PDILT: variants seen among roughly 807,000 people sequenced by gnomAD.
PDILT encodes the protein protein disulfide isomerase like, testis expressed.
PDILT carries 43 observed loss-of-function variants against 53.7 expected under a neutral mutation model. The ratio of observed to expected loss-of-function variants is 0.80; its 90% confidence interval spans 0.63 to 1.03. The LOEUF (loss-of-function observed/expected upper bound fraction) is 1.03. Among genes scored for constraint, PDILT ranks in the 50% least tolerant of loss-of-function variants. The probability of loss-of-function intolerance (pLI) is 0.00; values close to 1 mark genes in which losing one functional copy is unlikely to be tolerated. For missense variants in PDILT, 727 were observed against 712.3 expected (o/e 1.02, Z -0.24); for synonymous variants, 282 against 274.2 (o/e 1.03, Z -0.28).
Position 20,376,055 on chromosome 16 carries a change from T to G in PDILT, c.543+13A>C. The G allele has an allele frequency of 6.2e-7, 1 of 1,613,898 alleles. No homozygotes were observed. Among genetic ancestry groups the G allele is most frequent in the South Asian group, 1.1e-5 (1 of 91,028 alleles). On this transcript the variant is annotated intron_variant, in intron 4 of 11. Coordinates refer to ENST00000302451, the MANE Select transcript of PDILT (RefSeq NM_174924.2). ...TCAGTTGAAAGCCTCCTCCCACCTCTTGGTCCCAGTACCTGGAAGAAGCCA... is the reference window on the plus strand; with the variant it reads ...TCAGTTGAAAGCCTCCTCCCACCTCGTGGTCCCAGTACCTGGAAGAAGCCA...
intron 1 of PDILT, among the ~76,000 whole-genome samples, chr16:20,403,341 G>A: frequency 6.6e-6 from 1 of 152,152 alleles, no homozygotes. Flanking sequence ...CCAGGCTGGA[G>A]TGCAATCACA....
chr16:20,361,514 G>T (rs1428107575), intron 10 of PDILT, among the ~76,000 whole-genome samples: 2 of 152,096 alleles, frequency 1.3e-5, no homozygotes, highest in African/African-American at 4.8e-5. Context: ...TTCAGAAGCT[G>T]CTTAATGCCC....
chr16:20,370,964 T>A (rs903256984), intron 7 of PDILT, among the ~76,000 whole-genome samples: 1 of 152,224 alleles, frequency 6.6e-6, no homozygotes, highest in Non-Finnish European at 1.5e-5. Context: ...AAGAAATAAC[T>A]ATAAAAATGG....
At chr16:20,364,212 A>G (rs2141701002) in intron 9 of PDILT, among the ~76,000 whole-genome samples, 1 of 152,308 alleles carries the variant, frequency 6.6e-6, no homozygotes, top group East Asian at 1.9e-4. Context: ...ACAGTCTTAC[A>G]ATTCTGGGTG....
At chr16:20,367,378 G>A (rs771660483) in intron 8 of PDILT, among the ~76,000 whole-genome samples, 32 of 152,164 alleles carry the variant, frequency 2.1e-4, no homozygotes, top group Middle Eastern at 3.4e-3. Flanking sequence ...CACCACACCC[G>A]CTCTAGCCTC....
intron 1 of PDILT, among the ~76,000 whole-genome samples, chr16:20,401,595 C>T (rs1342416516): frequency 6.6e-6 from 1 of 152,164 alleles, no homozygotes; most frequent in Non-Finnish European, 1.5e-5. Context: ...CCTCAAGGGG[C>T]CTTCAGAGAA....
intron 1 of PDILT, among the ~76,000 whole-genome samples, chr16:20,402,513 G>A (rs1183309201): frequency 6.6e-6 from 1 of 152,148 alleles, no homozygotes; most frequent in Non-Finnish European, 1.5e-5. Flanking sequence ...TGGCCAGGCT[G>A]GTCTGGAACT....
chr16:20,386,779 C>G (rs969429289), intron 2 of PDILT, among the ~76,000 whole-genome samples: 2 of 152,238 alleles, frequency 1.3e-5, no homozygotes, highest in Admixed American at 6.5e-5. Flanking sequence ...GTCCATGGGG[C>G]TCTCCCCGGC....
intron 8 of PDILT, among the ~76,000 whole-genome samples, chr16:20,368,945 T>C (rs1966260246): frequency 6.6e-6 from 1 of 152,174 alleles, no homozygotes; most frequent in Non-Finnish European, 1.5e-5. Flanking sequence ...ATGGTTACCT[T>C]ACTCAGCAGA....
intron 2 of PDILT, among the ~76,000 whole-genome samples, chr16:20,385,462 T>C (rs1022723095): frequency 3.3e-5 from 5 of 152,208 alleles, no homozygotes; most frequent in Non-Finnish European, 4.4e-5. Flanking sequence ...ACAAGTTAAG[T>C]ACATGCTGCG....
intron 5 of PDILT, 45 bp downstream of exon 5, chr16:20,374,777 C>G: frequency 6.3e-7 from 1 of 1,579,236 alleles, no homozygotes; most frequent in Non-Finnish European, 8.6e-7. Flanking sequence ...GATTCCACTA[C>G]TTTGAACCAG....
chr16:20,376,730 C>A (rs1166541488), intron 3 of PDILT, among the ~76,000 whole-genome samples: 1 of 152,178 alleles, frequency 6.6e-6, no homozygotes, highest in South Asian at 2.1e-4. Context: ...AGCTGAGATC[C>A]AAATGCCCTT....
chr16:20,370,923 G>A (rs1448830170), intron 7 of PDILT, among the ~76,000 whole-genome samples: 1 of 152,224 alleles, frequency 6.6e-6, no homozygotes, highest in Non-Finnish European at 1.5e-5. Context: ...GGGGAAGCAT[G>A]AATAATCCAC....
Position 20,359,260 on chromosome 16 carries a change from T to C in PDILT, c.*59A>G. On this transcript the variant is annotated 3_prime_UTR_variant, in exon 12 of 12. Transcript: ENST00000302451. Reference sequence around the variant, plus strand: ...ATATGCTTTTATTGGAATCAATCCATTCAGAAAATGATGCCAGGATCTGGA... The same window carrying C: ...ATATGCTTTTATTGGAATCAATCCACTCAGAAAATGATGCCAGGATCTGGA... The C allele has an allele frequency of 1.3e-6, 2 of 1,576,376 alleles. No individual in the cohort carries two copies. The highest frequency in any genetic ancestry group is 1.1e-5 in the South Asian group (1 of 87,058).
chr16:20,365,704 C>G (rs1182644325), intron 8 of PDILT, among the ~76,000 whole-genome samples, 164 bp from the exon 9 acceptor site: 2 of 152,126 alleles, frequency 1.3e-5, no homozygotes, highest in African/African-American at 4.8e-5. Context: ...TTGATGTCAA[C>G]CCTGGATGGT....
chr16:20,384,862 A>G lies in PDILT; in HGVS notation c.203-11T>C. On this transcript the variant is annotated splice_polypyrimidine_tract_variant and intron_variant, in intron 2 of 11. Transcript: ENST00000302451. ...TTGAGGATGGGTTGTCTGAAAGAGT[A>G]TGAAGACAAAATTTGAGAGGCCTTT... is the stretch of plus-strand genomic sequence containing the variant. The G allele has an allele frequency of 1.9e-6, 3 of 1,613,502 alleles. No individual in the cohort carries two copies. Among genetic ancestry groups the G allele is most frequent in the Middle Eastern group, 1.6e-4 (1 of 6,062 alleles).
intron 3 of PDILT, among the ~76,000 whole-genome samples, chr16:20,379,608 C>A (rs893068648): frequency 6.6e-6 from 1 of 152,194 alleles, no homozygotes; most frequent in African/African-American, 2.4e-5. Context: ...AGTCACCATG[C>A]CCGGCTGGGG....
At chr16:20,370,996 GCT>G (rs1966298931) in intron 7 of PDILT, among the ~76,000 whole-genome samples, 1 of 152,234 alleles carries the variant, frequency 6.6e-6, no homozygotes, top group Admixed American at 6.5e-5. Flanking sequence ...CCTCGGGGCT[GCT>G]CTGTCTATGG....
At chr16:20,364,716 G>A (rs8052144) in intron 9 of PDILT, among the ~76,000 whole-genome samples, 86,093 of 151,752 alleles carry the variant, frequency 0.57, 25,174 homozygotes, top group Middle Eastern at 0.62. Flanking sequence ...AATGGGAAAA[G>A]GGCAATAGTC....
Sources: gnomAD v4.1 joint callset for allele counts (sites outside exome capture counted in the v4.1 genomes callset) on GRCh38, gnomAD v4.1.1 for gene constraint, MANE v1.5 for transcripts, NCBI Gene and HGNC (gene_info 2026-07-23, HGNC 2026-07-21) for gene names.